The following TIFA variants were observed in gnomAD, a reference collection of about 807,000 sequenced individuals.
TIFA encodes the protein TRAF interacting protein with forkhead associated domain, also known as TRAF-interacting protein with FHA domain-containing protein A.
For synonymous variants in TIFA, 75 were observed against 79.2 expected (o/e 0.95, Z 0.28); for missense variants, 186 against 215.2 (o/e 0.86, Z 0.85).
chr4:112,282,657 G>A (rs899340425), intron 1 of TIFA, among the ~76,000 whole-genome samples: 9 of 152,132 alleles, frequency 5.9e-5, no homozygotes, highest in African/African-American at 2.2e-4. Flanking sequence ...TCACCTCCAG[G>A]GGGTGGCCTC....
Position 112,277,724 on chromosome 4 carries a change from AATG to A in TIFA, c.*135_*137del. The A allele has an allele frequency of 3.1e-6, 2 of 648,720 alleles. No individual in the cohort carries two copies. Among genetic ancestry groups the A allele is most frequent in the Non-Finnish European group, 4.2e-6 (2 of 481,610 alleles). The allele number at this position is 648,720 out of a possible 1,614,324, so 40.2% of individuals were successfully genotyped here. A position where few individuals can be genotyped will look rare whatever the true frequency, so the allele number is the denominator to read the frequency against. On this transcript the variant is annotated 3_prime_UTR_variant, in exon 2 of 2. Coordinates refer to ENST00000361717, the MANE Select transcript of TIFA (RefSeq NM_052864.3). ...GACTAACACAATTTACAGACTTCAAAATGATAATACTGAATTCCAAATTTCACA... is the reference window on the plus strand; with the variant it reads ...GACTAACACAATTTACAGACTTCAAAATAATACTGAATTCCAAATTTCACA...
Position 112,277,675 on chromosome 4 carries a change from A to ATGTCGCCGT in TIFA, c.*186_*187insACGGCGACA. 2.8e-6 allele frequency: 1 copy of ATGTCGCCGT among 363,382 alleles called. No homozygotes were observed. The allele number at this position is 363,382 out of a possible 1,614,324, so 22.5% of individuals were successfully genotyped here. Reference sequence around the variant, plus strand: ...TTAAAATAATTTTGTGTAGATCCAGAATACAACAGGTGACTAAGTTAATGA... The same window carrying ATGTCGCCGT: ...TTAAAATAATTTTGTGTAGATCCAGATGTCGCCGTATACAACAGGTGACTAAGTTAATGA... On this transcript the variant is annotated 3_prime_UTR_variant, in exon 2 of 2. Transcript: ENST00000361717.
In TIFA at chr4:112,278,425, C is replaced by G. The variant is rs373367609; in HGVS notation, c.-9G>C. On this transcript the variant is annotated 5_prime_UTR_variant, in exon 2 of 2. Coordinates refer to ENST00000361717, the MANE Select transcript of TIFA (RefSeq NM_052864.3). ...TCTTCAAAACTGGTCATGATGTGCA[C>G]AAGGCCCACCTGCAATAATTAAATT... The G allele has an allele frequency of 6.6e-7, 1 of 1,526,264 alleles. No individual in the cohort carries two copies. Among genetic ancestry groups the G allele is most frequent in the African/African-American group, 1.4e-5 (1 of 71,806 alleles). 94.5% of individuals were successfully genotyped at this position (1,526,264 alleles called of 1,614,324 possible).
In TIFA at chr4:112,277,835, A is replaced by G. The variant is rs775595385; in HGVS notation, c.*27T>C. ...GCATCTACAGAGCTCTTCATCCATC[A>G]TATTTCTCCTCTTAGACTTTCTGTG... On this transcript the variant is annotated 3_prime_UTR_variant, in exon 2 of 2. Transcript: ENST00000361717. The G allele has an allele frequency of 3.2e-6, 5 of 1,553,770 alleles. No individual in the cohort carries two copies. The South Asian group carries it at 5.0e-5, about 16-fold the overall frequency.
At chr4:112,279,533 T>G (rs769438823) in intron 1 of TIFA, among the ~76,000 whole-genome samples, 16 of 152,288 alleles carry the variant, frequency 1.1e-4, no homozygotes, top group Admixed American at 3.9e-4. Flanking sequence ...CTTAGAGAAA[T>G]TTTGTTTACA....
intron 1 of TIFA, among the ~76,000 whole-genome samples, chr4:112,284,686 A>G (rs1727288927): frequency 6.6e-6 from 1 of 151,928 alleles, no homozygotes; most frequent in South Asian, 2.1e-4. Context: ...GGAAGTTTCA[A>G]GGCTTTTCTC....
chr4:112,282,875 G>A (rs1341772007), intron 1 of TIFA, among the ~76,000 whole-genome samples: 3 of 152,130 alleles, frequency 2.0e-5, no homozygotes, highest in Non-Finnish European at 2.9e-5. Context: ...GCACATTCTG[G>A]GTGTGGATAA....
At chr4:112,281,124 G>C (rs542524611) in intron 1 of TIFA, among the ~76,000 whole-genome samples, 3 of 152,186 alleles carry the variant, frequency 2.0e-5, no homozygotes, top group Admixed American at 6.5e-5. Flanking sequence ...CTATTAACAA[G>C]AGCCTGAAAA....
Position 112,278,396 on chromosome 4 carries a change from A to G in TIFA, c.21T>C (p.Ala7=), listed in dbSNP as rs1156367630. The change falls in exon 2 of 2, where the codon GCT becomes GCC. Residue 7 remains alanine (A), a synonymous_variant. Coordinates refer to ENST00000361717, the MANE Select transcript of TIFA (RefSeq NM_052864.3). MTSFED[A]DTEETVTCLQ... is the part of the protein sequence containing the mutation. ...GACAAGTTACTGTCTCTTCTGTGTC[A>G]GCATCTTCAAAACTGGTCATGATGT... 1.3e-6 allele frequency: 2 copies of G among 1,571,442 alleles called. No individual in the cohort carries two copies. Among genetic ancestry groups the G allele is most frequent in the African/African-American group, 1.4e-5 (1 of 73,270 alleles).
intron 1 of TIFA, among the ~76,000 whole-genome samples, chr4:112,281,282 T>C (rs1727223459): frequency 6.6e-6 from 1 of 152,248 alleles, no homozygotes; most frequent in Non-Finnish European, 1.5e-5. Context: ...AATAGTCTTT[T>C]GGTAACATCC....
In TIFA at chr4:112,274,956, T is replaced by C. The variant is rs1727079896; in HGVS notation, c.*2906A>G. ...AGGATTCTAACACTGGCACCATTAATACACCTCTCTACCTAAGGAGCCCCA... is the reference window on the plus strand; with the variant it reads ...AGGATTCTAACACTGGCACCATTAACACACCTCTCTACCTAAGGAGCCCCA... On this transcript the variant is annotated 3_prime_UTR_variant, in exon 2 of 2. Transcript: ENST00000361717. The C allele has an allele frequency of 6.6e-6, 1 of 152,148 alleles. No homozygotes were observed. Among genetic ancestry groups the C allele is most frequent in the African/African-American group, 2.4e-5 (1 of 41,430 alleles). 9.4% of individuals were successfully genotyped at this position (152,148 alleles called of 1,614,324 possible). A position where few individuals can be genotyped will look rare whatever the true frequency, so the allele number is the denominator to read the frequency against.
In TIFA at chr4:112,278,282, T is replaced by A; in HGVS notation, c.135A>T (p.Glu45Asp). The change falls in exon 2 of 2, where the codon GAA becomes GAT. Residue 45 changes from glutamate (E) to aspartate (D), a missense_variant. Glu to Asp is a conservative substitution (Grantham distance 45). Coordinates refer to ENST00000361717, the MANE Select transcript of TIFA (RefSeq NM_052864.3). ...TGGAATTTCGGCCAAATTTCACCAC[T>A]TCGCTGGAAGGGAGTTTCTCTCTGT... ...SFNREKLPSS[E>D]VVKFGRNSNI... 1 of 1,614,152 alleles carries A rather than the reference T, an allele frequency of 6.2e-7. No homozygotes were observed. The highest frequency in any genetic ancestry group is 2.2e-5 in the East Asian group (1 of 44,882).
intron 1 of TIFA, among the ~76,000 whole-genome samples, chr4:112,281,968 T>C (rs1727235959): frequency 6.6e-6 from 1 of 152,214 alleles, no homozygotes; most frequent in Admixed American, 6.5e-5. Flanking sequence ...GACAGTGATA[T>C]GGTTTGGCTG....
chr4:112,284,960 TCA>T (rs1316845354), intron 1 of TIFA, among the ~76,000 whole-genome samples: 2 of 151,540 alleles, frequency 1.3e-5, no homozygotes, highest in African/African-American at 4.9e-5. Flanking sequence ...TCGGTGTCTT[TCA>T]GACATGAGAT....
chr4:112,282,639 C>T lies in TIFA; in HGVS notation c.-19+3001G>A, dbSNP rs143406473. On this transcript the variant is annotated intron_variant, in intron 1 of 1. Coordinates refer to ENST00000361717, the MANE Select transcript of TIFA (RefSeq NM_052864.3). ...ATTTGCAGACCAAAGCATGTCCCCA[C>T]AGAACTCTCACCTCCAGGGGGTGGC... Among the ~76,000 whole-genome samples, 264 of 152,294 alleles carry T rather than the reference C, an allele frequency of 1.7e-3. 2 individuals are homozygous for T. The highest frequency in any genetic ancestry group is 0.014 in the Middle Eastern group (4 of 294).
rs1359246110 is a variant in TIFA, at chr4:112,274,962, T to A, written c.*2900A>T. On this transcript the variant is annotated 3_prime_UTR_variant, in exon 2 of 2. Coordinates refer to ENST00000361717, the MANE Select transcript of TIFA (RefSeq NM_052864.3). Reference sequence around the variant, plus strand: ...CTAACACTGGCACCATTAATACACCTCTCTACCTAAGGAGCCCCAGAAAAA... The same window carrying A: ...CTAACACTGGCACCATTAATACACCACTCTACCTAAGGAGCCCCAGAAAAA... The A allele has an allele frequency of 6.6e-6, 1 of 152,102 alleles. No homozygotes were observed. Among genetic ancestry groups the A allele is most frequent in the Non-Finnish European group, 1.5e-5 (1 of 68,018 alleles). 9.4% of individuals were successfully genotyped at this position (152,102 alleles called of 1,614,324 possible). A position where few individuals can be genotyped will look rare whatever the true frequency, so the allele number is the denominator to read the frequency against.
At chr4:112,280,640 C>T (rs771900941) in intron 1 of TIFA, among the ~76,000 whole-genome samples, 6 of 152,110 alleles carry the variant, frequency 3.9e-5, no homozygotes, top group Non-Finnish European at 5.9e-5. Context: ...CATGAGCCAC[C>T]GTTCCCAGCC....
At chr4:112,281,409 G>A (rs1201068463) in intron 1 of TIFA, among the ~76,000 whole-genome samples, 2 of 152,172 alleles carry the variant, frequency 1.3e-5, no homozygotes, top group Non-Finnish European at 2.9e-5. Context: ...CCCCAGGACA[G>A]ATATATTATC....
Position 112,277,916 on chromosome 4 carries a change from C to T in TIFA, c.501G>A (p.Ser167=), listed in dbSNP as rs1216047972. The T allele has an allele frequency of 1.3e-5, 21 of 1,612,502 alleles. No individual in the cohort carries two copies. The highest frequency in any genetic ancestry group is 1.4e-5 in the Non-Finnish European group (16 of 1,179,506). ...HRPIPEYGTY[S]LCSSQSSSPT... is the part of the protein sequence containing the mutation. ...GAGAACTGCTTTGGGAGGAGCAGAG[C>T]GAATAAGTGCCATACTCCGGTATGG... Residue 167 remains serine, a synonymous_variant, in exon 2 of 2, where the codon TCG becomes TCA. Transcript: ENST00000361717.
Sources: allele counts gnomAD v4.1 joint callset (sites outside exome capture counted in the v4.1 genomes callset), GRCh38; gene constraint gnomAD v4.1.1; transcripts MANE v1.5; gene names NCBI Gene and HGNC (gene_info 2026-07-23, HGNC 2026-07-21).